Variants in DCAF1 observed in about 807,000 individuals in gnomAD.
DCAF1 encodes the protein DDB1 and CUL4 associated factor 1.
A neutral mutation model predicts 128.0 loss-of-function variants in DCAF1; 15 were observed. The observed-to-expected ratio is 0.12, with a 90% CI of 0.08 to 0.18. The LOEUF (loss-of-function observed/expected upper bound fraction) is 0.18, where lower values mean the gene tolerates loss of function less well. Ranked by LOEUF, DCAF1 falls within the 10% of genes least tolerant of loss-of-function variation. The pLI, the probability that DCAF1 is intolerant of heterozygous loss-of-function variation, is 1.00. For synonymous variants in DCAF1, 610 were observed against 603.0 expected (o/e 1.01, Z -0.17); for missense variants, 988 against 1,649.5 (o/e 0.60, Z 6.95).
intron 2 of DCAF1, among the ~76,000 whole-genome samples, chr3:51,489,263 G>C (rs1005515615): frequency 1.3e-5 from 2 of 149,218 alleles, no homozygotes; most frequent in Non-Finnish European, 3.0e-5. Flanking sequence ...GTGAAATCTC[G>C]TCTCCAGTAA....
chr3:51,459,721 G>A (rs1198036505), intron 6 of DCAF1, among the ~76,000 whole-genome samples: 3 of 152,194 alleles, frequency 2.0e-5, no homozygotes, highest in African/African-American at 4.8e-5. Context: ...GATCAAGTGG[G>A]CTTCATCCCT....
intron 2 of DCAF1, among the ~76,000 whole-genome samples, chr3:51,494,011 AG>A (rs1707958594): frequency 6.6e-6 from 1 of 151,698 alleles, no homozygotes; most frequent in Admixed American, 6.6e-5. Context: ...AAAAAAAAAA[AG>A]TTGAAATAGG....
chr3:51,441,695 A>T lies in DCAF1; in HGVS notation c.716T>A (p.Ile239Asn). The change falls in exon 8 of 25, where the codon ATC (isoleucine) becomes AAC (asparagine). Residue 239 changes from isoleucine (I) to asparagine (N), a missense_variant. By Grantham distance (149) the Ile-to-Asn change is moderately radical. Around this residue, in one of 11 missense-constraint regions of DCAF1, gnomAD observed 210 missense variants for 260.2 expected, o/e 0.81. Coordinates refer to ENST00000684031, the MANE Select transcript of DCAF1 (RefSeq NM_001387579.1). ...GTGGCCTGAATCAAGATGAAAGGAG[A>T]TCTCCATGTCTCCAGAAGCTTCCTC... ...DQEEASGDME[I>N]SFHLDSGHKT... 2 of 1,613,902 alleles carry T rather than the reference A, an allele frequency of 1.2e-6. No individual in the cohort carries two copies. Among genetic ancestry groups the T allele is most frequent in the Non-Finnish European group, 1.7e-6 (2 of 1,179,882 alleles).
intron 11 of DCAF1, 98 bp downstream of exon 11, chr3:51,429,935 A>C (rs1700228719): frequency 1.5e-6 from 1 of 666,682 alleles, no homozygotes; most frequent in South Asian, 1.9e-5. Context: ...AAACTCCTCT[A>C]ATCAGAAGCT....
At chr3:51,489,937 A>G (rs1707440144) in intron 2 of DCAF1, among the ~76,000 whole-genome samples, 1 of 152,130 alleles carries the variant, frequency 6.6e-6, no homozygotes, top group Admixed American at 6.6e-5. Context: ...GAAAATCCTA[A>G]AGAATCCACA....
chr3:51,471,239 A>G (rs1272449488), intron 3 of DCAF1, among the ~76,000 whole-genome samples: 1 of 146,730 alleles, frequency 6.8e-6, no homozygotes, highest in Non-Finnish European at 1.5e-5. Context: ...GCTGGAGTGC[A>G]GTGGTGTGAT....
At chr3:51,483,654 A>C in intron 3 of DCAF1, 65 bp downstream of exon 3, 1 of 911,368 alleles carries the variant, frequency 1.1e-6, no homozygotes, top group South Asian at 1.4e-5. Context: ...TGTATGAAGA[A>C]ATCTAGCGTA....
chr3:51,458,908 C>T (rs1225676126), intron 6 of DCAF1, among the ~76,000 whole-genome samples: 5 of 152,084 alleles, frequency 3.3e-5, no homozygotes, highest in African/African-American at 1.2e-4. Flanking sequence ...GGGACACATT[C>T]AAAGCAGTGT....
intron 6 of DCAF1, among the ~76,000 whole-genome samples, chr3:51,444,478 A>G (rs1701653690): frequency 6.6e-6 from 1 of 151,804 alleles, no homozygotes; most frequent in Non-Finnish European, 1.5e-5. Flanking sequence ...AGCCTCCTGA[A>G]TACCTTGGAC....
upstream of DCAF1, among the ~76,000 whole-genome samples, chr3:51,504,735 T>G (rs970333395): frequency 1.3e-5 from 2 of 152,210 alleles, no homozygotes; most frequent in Non-Finnish European, 2.9e-5. Context: ...CTGACCCATT[T>G]GAAGGTACTC....
intron 3 of DCAF1, 124 bp downstream of exon 3, chr3:51,483,595 C>G: frequency 1.5e-6 from 1 of 664,170 alleles, no homozygotes; most frequent in Non-Finnish European, 2.6e-6. Flanking sequence ...ATTTTTGCTT[C>G]TTTTTAAACT....
Position 51,483,709 on chromosome 3 carries a change from T to C in DCAF1, c.110+10A>G, listed in dbSNP as rs1706563516. On this transcript the variant is annotated intron_variant, in intron 3 of 24. Coordinates refer to ENST00000684031, the MANE Select transcript of DCAF1 (RefSeq NM_001387579.1). ...TTTATTAAACTAGGTTTTAAAAAAG[T>C]TATTCATACCTGGTAAGGATAGGTA... 11 of 1,606,790 alleles carry C rather than the reference T, an allele frequency of 6.8e-6. No individual in the cohort carries two copies. Among genetic ancestry groups the C allele is most frequent in the African/African-American group, 1.3e-5 (1 of 74,444 alleles).
chr3:51,444,109 C>T (rs1300303804), intron 6 of DCAF1, among the ~76,000 whole-genome samples: 1 of 152,030 alleles, frequency 6.6e-6, no homozygotes, highest in Non-Finnish European at 1.5e-5. Context: ...AAAACTCAAG[C>T]TATCTCTTTT....
At chr3:51,418,559 CT>C in intron 16 of DCAF1, 118 bp downstream of exon 16, 1 of 1,458,442 alleles carries the variant, frequency 6.9e-7, no homozygotes, top group Non-Finnish European at 9.1e-7. Context: ...CTCAACTAGA[CT>C]TTCCAGTTGA....
Position 51,414,707 on chromosome 3 carries a change from T to C in DCAF1, c.3754A>G (p.Ile1252Val), listed in dbSNP as rs782070962. Reference sequence around the variant, plus strand: ...ATATTGAACTTGTCAAACTTGTGGATGGCCTGTGCAGAGCGGACATCCCAG... The same window carrying C: ...ATATTGAACTTGTCAAACTTGTGGACGGCCTGTGCAGAGCGGACATCCCAG... Reference protein sequence around the residue: ...VLWDVRSAQAIHKFDKFNMNI... With the variant: ...VLWDVRSAQAVHKFDKFNMNI... The change falls in exon 19 of 25, where the codon ATC (isoleucine) becomes GTC (valine). Residue 1252 changes from isoleucine (I) to valine (V), a missense_variant. This residue lies in a region of DCAF1 where 85 missense variants were observed against 204.6 expected (regional missense o/e 0.42). Transcript: ENST00000684031. 2 of 1,614,030 alleles carry C rather than the reference T, an allele frequency of 1.2e-6. No homozygotes were observed. Among genetic ancestry groups the C allele is most frequent in the Non-Finnish European group, 8.5e-7 (1 of 1,179,906 alleles).
At chr3:51,481,195 A>G (rs1442440400) in intron 3 of DCAF1, among the ~76,000 whole-genome samples, 1 of 152,200 alleles carries the variant, frequency 6.6e-6, no homozygotes, top group Admixed American at 6.6e-5. Context: ...ATGGCCACAT[A>G]GGCCACACTA....
intron 2 of DCAF1, among the ~76,000 whole-genome samples, chr3:51,492,916 C>T (rs956648936): frequency 1.3e-5 from 2 of 151,892 alleles, no homozygotes; most frequent in African/African-American, 2.4e-5. Context: ...ATGGCGTGAA[C>T]CCGGGAGGTG....
intron 2 of DCAF1, among the ~76,000 whole-genome samples, chr3:51,491,488 C>T (rs1553657935): frequency 1.3e-5 from 2 of 152,010 alleles, no homozygotes; most frequent in African/African-American, 4.8e-5. Context: ...CAGCAATAAG[C>T]ACTCACATCT....
intron 6 of DCAF1, among the ~76,000 whole-genome samples, chr3:51,447,058 A>G (rs894623910): frequency 2.6e-5 from 4 of 151,616 alleles, no homozygotes; most frequent in Non-Finnish European, 5.9e-5. Flanking sequence ...GTCTTCCAAA[A>G]AGTCATCAGC....
Sources: gnomAD v4.1 joint callset for allele counts (sites outside exome capture counted in the v4.1 genomes callset) on GRCh38, gnomAD v4.1.1 for gene constraint, gnomAD v4.1.1 regional missense constraint, MANE v1.5 for transcripts, NCBI Gene and HGNC (gene_info 2026-07-23, HGNC 2026-07-21) for gene names.